The following CASP9 variants were observed in gnomAD, a reference collection of about 807,000 sequenced individuals.
CASP9 encodes caspase-9.
A neutral mutation model predicts 43.5 loss-of-function variants in CASP9; 29 were observed. That is an observed-to-expected ratio of 0.67 (90% CI 0.50 to 0.91). The LOEUF (loss-of-function observed/expected upper bound fraction) is 0.91, where lower values mean the gene tolerates loss of function less well. CASP9 is among the 40% of genes least tolerant of loss of function. The pLI, the probability that CASP9 is intolerant of heterozygous loss-of-function variation, is 0.00. For synonymous variants in CASP9, 206 were observed against 211.9 expected (o/e 0.97, Z 0.24); for missense variants, 575 against 537.4 (o/e 1.07, Z -0.69).
At chr1:15,523,923 G>T in intron 1 of CASP9, 146 bp downstream of exon 1, 1 of 595,108 alleles carries the variant, frequency 1.7e-6, no homozygotes, top group Non-Finnish European at 2.8e-6. Flanking sequence ...TCGCTTTAGC[G>T]AACACCCGAC....
chr1:15,520,589 C>G (rs980731109), intron 1 of CASP9, among the ~76,000 whole-genome samples: 7 of 152,188 alleles, frequency 4.6e-5, no homozygotes, highest in Non-Finnish European at 1.0e-4. Flanking sequence ...GCATAAGGGC[C>G]GCTTGAGGGC....
chr1:15,508,194 G>A (rs1709597995), intron 2 of CASP9, among the ~76,000 whole-genome samples: 1 of 152,100 alleles, frequency 6.6e-6, no homozygotes, highest in Non-Finnish European at 1.5e-5. Context: ...TATTCATCAC[G>A]CCCCAACATG....
At chr1:15,504,498 C>G (rs1709443215) in intron 6 of CASP9, 113 bp downstream of exon 6, 3 of 1,109,126 alleles carry the variant, frequency 2.7e-6, no homozygotes, top group Non-Finnish European at 3.8e-6. Context: ...GTGGTACCCT[C>G]TGACTGCCTG....
chr1:15,494,011 G>A lies in CASP9; in HGVS notation c.1049-10C>T. 6.4e-7 allele frequency: 1 copy of A among 1,568,812 alleles called. No homozygotes were observed. The highest frequency in any genetic ancestry group is 8.6e-7 in the Non-Finnish European group (1 of 1,158,200). ...CTCCAGGAAACAAAACCTTTGGAGG[G>A]AGGAGGGCTGAACACTGCTGGAGAG... is the stretch of plus-strand genomic sequence containing the variant. On this transcript the variant is annotated splice_polypyrimidine_tract_variant and intron_variant, in intron 7 of 8. Transcript: ENST00000333868.
At chr1:15,495,623 G>A (rs4646088) in intron 6 of CASP9, among the ~76,000 whole-genome samples, 171 bp from the exon 7 acceptor site, 7,099 of 152,184 alleles carry the variant, frequency 0.047, 287 homozygotes, top group African/African-American at 0.11. Context: ...ACTGGGTCAC[G>A]CAAACCTGCC....
chr1:15,511,339 C>T (rs183254089), intron 2 of CASP9, among the ~76,000 whole-genome samples: 2 of 152,130 alleles, frequency 1.3e-5, no homozygotes, highest in East Asian at 1.9e-4. Flanking sequence ...GCAAACTTTG[C>T]CTGCTGGGCT....
At chr1:15,524,687 C>A, upstream of CASP9, 1 of 1,042,932 alleles carries the variant, frequency 9.6e-7, no homozygotes, top group Non-Finnish European at 1.2e-6. Context: ...GCCTCGCCTT[C>A]AGGACGCCTC....
Position 15,518,160 on chromosome 1 carries a change from G to A in CASP9, c.368C>T (p.Pro123Leu), listed in dbSNP as rs139430022. 1,065 of 1,614,178 alleles carry A rather than the reference G, an allele frequency of 6.6e-4. No homozygotes were observed. Among genetic ancestry groups the A allele is most frequent in the Non-Finnish European group, 8.6e-4 (1,011 of 1,180,044 alleles). ...AATGTCCACTGGTCTGGGTGTTTCC[G>A]GTCTGAGAACCTCTGGTTTGCGAAT... ...PEIRKPEVLR[P>L]ETPRPVDIGS... is the part of the protein sequence containing the mutation. The change falls in exon 2 of 9, where the codon CCG becomes CTG. Residue 123 changes from proline (P) to leucine (L), a missense_variant. Pro to Leu is a moderately conservative substitution (Grantham distance 98). Transcript: ENST00000333868.
In CASP9 at chr1:15,518,157, T is replaced by G. The variant is rs531131783; in HGVS notation, c.371A>C (p.Glu124Ala). ...ACCAATGTCCACTGGTCTGGGTGTT[T>G]CCGGTCTGAGAACCTCTGGTTTGCG... ...EIRKPEVLRP[E>A]TPRPVDIGSG... Residue 124 changes from glutamate (E) to alanine (A), a missense_variant, in exon 2 of 9, where the codon GAA becomes GCA. Transcript: ENST00000333868. 233 of 1,614,194 alleles carry G rather than the reference T, an allele frequency of 1.4e-4. No individual in the cohort carries two copies. The highest frequency in any genetic ancestry group is 8.3e-4 in the Middle Eastern group (5 of 6,060).
At chr1:15,498,415 T>A (rs1296012192) in intron 6 of CASP9, among the ~76,000 whole-genome samples, 1 of 151,990 alleles carries the variant, frequency 6.6e-6, no homozygotes, top group Non-Finnish European at 1.5e-5. Context: ...AGTGGCATGA[T>A]CTTAACTCGC....
chr1:15,513,154 C>T lies in CASP9; in HGVS notation c.418+4956G>A, dbSNP rs1709824997. ...CCAGCCTGGGCAACAGAACAAGACT[C>T]CGTCTCAAAAAAAAAAAAAAAAACG... On this transcript the variant is annotated intron_variant, in intron 2 of 8. Coordinates refer to ENST00000333868, the MANE Select transcript of CASP9 (RefSeq NM_001229.5). Among the ~76,000 whole-genome samples, 3 of 146,318 alleles carry T rather than the reference C, an allele frequency of 2.1e-5. No homozygotes were observed. In the South Asian group the frequency reaches 6.4e-4, roughly 31 times the overall value.
At chr1:15,506,809 G>A in intron 4 of CASP9, 90 bp downstream of exon 4, 1 of 1,127,788 alleles carries the variant, frequency 8.9e-7, no homozygotes, top group East Asian at 2.4e-5. Context: ...GGGCTCGCCT[G>A]GGGAGTCAGC....
At chr1:15,524,534 C>A, upstream of CASP9, 1 of 442,682 alleles carries the variant, frequency 2.3e-6, no homozygotes. Flanking sequence ...GCTCCAGAAT[C>A]CACCACTGCG....
At chr1:15,508,145 C>G (rs1457353936) in intron 2 of CASP9, among the ~76,000 whole-genome samples, 2 of 152,196 alleles carry the variant, frequency 1.3e-5, no homozygotes, top group Non-Finnish European at 2.9e-5. Context: ...GGAGTGCAAA[C>G]GGGCACAAAA....
At chr1:15,516,862 G>A (rs192592105) in intron 2 of CASP9, among the ~76,000 whole-genome samples, 1 of 152,312 alleles carries the variant, frequency 6.6e-6, no homozygotes, top group East Asian at 1.9e-4. Context: ...GACAGAACAG[G>A]TAAGCCCGGG....
At chr1:15,523,857 C>T (rs4645988) in intron 1 of CASP9, among the ~76,000 whole-genome samples, 7,100 of 151,922 alleles carry the variant, frequency 0.047, 287 homozygotes, top group African/African-American at 0.11. Context: ...CACATTTTTC[C>T]TTTACACAAG....
chr1:15,505,928 C>A, intron 5 of CASP9, 62 bp downstream of exon 5: 2 of 1,341,608 alleles, frequency 1.5e-6, no homozygotes, highest in Non-Finnish European at 2.1e-6. Flanking sequence ...ATGGCCCCTG[C>A]ACAGCCTCTT....
At chr1:15,507,136 G>A in intron 3 of CASP9, 61 bp from the exon 4 acceptor site, 1 of 1,600,544 alleles carries the variant, frequency 6.2e-7, no homozygotes, top group Middle Eastern at 1.7e-4. Context: ...AGGACAGTCT[G>A]GAGAGGCGGG....
Position 15,518,351 on chromosome 1 carries a change from G to C in CASP9, c.177C>G (p.Ile59Met). 1 of 1,614,008 alleles carries C rather than the reference G, an allele frequency of 6.2e-7. No individual in the cohort carries two copies. ...GSRRDQARQL[I>M]IDLETRGSQA... ...GACTCCCTCGAGTCTCCAGATCTATGATCAGCTGCCTGGCCTGATCCCGCC... is the reference window on the plus strand; with the variant it reads ...GACTCCCTCGAGTCTCCAGATCTATCATCAGCTGCCTGGCCTGATCCCGCC... Residue 59 changes from isoleucine to methionine, a missense_variant, in exon 2 of 9, where the codon ATC (isoleucine) becomes ATG (methionine). Physicochemically the swap from Ile to Met is conservative, Grantham distance 10 (BLOSUM62 1). Coordinates refer to ENST00000333868, the MANE Select transcript of CASP9 (RefSeq NM_001229.5).
Sources: gnomAD v4.1 joint callset for allele counts (sites outside exome capture counted in the v4.1 genomes callset) on GRCh38, gnomAD v4.1.1 for gene constraint, MANE v1.5 for transcripts, NCBI Gene and HGNC (gene_info 2026-07-23, HGNC 2026-07-21) for gene names.